PDE1A: variants seen among roughly 807,000 people sequenced by gnomAD.
The protein encoded by PDE1A is phosphodiesterase 1A, also known as dual specificity calcium/calmodulin-dependent 3',5'-cyclic nucleotide phosphodiesterase 1A.
A neutral mutation model predicts 61.7 loss-of-function variants in PDE1A; 35 were observed. The observed-to-expected ratio is 0.57, with a 90% CI of 0.43 to 0.75. PDE1A has a LOEUF of 0.75. Ranked by LOEUF, PDE1A falls within the 30% of genes least tolerant of loss-of-function variation. The pLI is 0.00. For synonymous variants in PDE1A, 232 were observed against 213.2 expected (o/e 1.09, Z -0.77); for missense variants, 597 against 630.6 (o/e 0.95, Z 0.57).
At chr2:182,616,111 G>A in the PDE1A span, among the ~76,000 whole-genome samples, 2 of 152,218 alleles carry the variant, frequency 1.3e-5, no homozygotes, top group Non-Finnish European at 2.9e-5. Context: ...TCATAGGAAT[G>A]TTGTAAGAAT....
At chr2:182,278,087 A>G (rs1465688511) in intron 1 of PDE1A, among the ~76,000 whole-genome samples, 1 of 152,074 alleles carries the variant, frequency 6.6e-6, no homozygotes, top group Non-Finnish European at 1.5e-5. Flanking sequence ...TCTTCATAAA[A>G]CATATTTAAT....
At chr2:182,466,232 A>C (rs1477791574) in intron 2 of PDE1A, among the ~76,000 whole-genome samples, 1 of 151,984 alleles carries the variant, frequency 6.6e-6, no homozygotes, top group Non-Finnish European at 1.5e-5. Flanking sequence ...CTACTATTTA[A>C]AGATATTGAG....
At chr2:182,667,441 G>T in the PDE1A span, among the ~76,000 whole-genome samples, 1 of 152,146 alleles carries the variant, frequency 6.6e-6, no homozygotes, top group African/African-American at 2.4e-5. Context: ...ATCATATGTG[G>T]CTTACATATG....
chr2:182,626,962 C>T, the PDE1A span, among the ~76,000 whole-genome samples: 12 of 13,164 alleles, frequency 9.1e-4, no homozygotes, highest in South Asian at 2.4e-3. Context: ...ATGCAATTGC[C>T]TTTGAGAAAA....
the PDE1A span, among the ~76,000 whole-genome samples, chr2:182,556,013 TTAAGA>T: frequency 4.8e-5 from 7 of 144,858 alleles, no homozygotes; most frequent in Non-Finnish European, 9.1e-5. Context: ...TTCTTTTGAC[TTAAGA>T]TAATCATAAT....
chr2:182,454,815 C>G (rs1685787930), intron 2 of PDE1A, among the ~76,000 whole-genome samples: 1 of 151,498 alleles, frequency 6.6e-6, no homozygotes, highest in Non-Finnish European at 1.5e-5. Context: ...CCATAAAAAC[C>G]CAGAAGAAAA....
the PDE1A span, among the ~76,000 whole-genome samples, chr2:182,638,535 C>CA: frequency 1.3e-5 from 2 of 151,474 alleles, no homozygotes; most frequent in African/African-American, 2.4e-5. Context: ...GACTCCATCT[C>CA]AAAAAAAATG....
intron 2 of PDE1A, among the ~76,000 whole-genome samples, chr2:182,499,270 G>A (rs376288138): frequency 3.5e-5 from 5 of 144,800 alleles, no homozygotes; most frequent in African/African-American, 1.3e-4. Flanking sequence ...TCCGCCTCCC[G>A]GGTTCACGCC....
chr2:182,191,886 G>C (rs566955084), intron 10 of PDE1A, among the ~76,000 whole-genome samples: 1 of 148,472 alleles, frequency 6.7e-6, no homozygotes. Context: ...AGACAGTTTC[G>C]CTCTTGTTGC....
chr2:182,195,224 C>T (rs529517139), intron 10 of PDE1A, among the ~76,000 whole-genome samples: 2 of 152,230 alleles, frequency 1.3e-5, no homozygotes, highest in South Asian at 2.1e-4. Flanking sequence ...TATACTGATA[C>T]TTTGCCTCGG....
At chr2:182,430,864 A>C (rs1703904445), upstream of PDE1A, among the ~76,000 whole-genome samples, 1 of 118,830 alleles carries the variant, frequency 8.4e-6, no homozygotes, top group African/African-American at 3.1e-5. Context: ...AGAACAAAAA[A>C]CCAAACACCG....
chr2:182,701,196 G>A, the PDE1A span, among the ~76,000 whole-genome samples: 212 of 74,048 alleles, frequency 2.9e-3, no homozygotes, highest in African/African-American at 0.011. Context: ...CACCACGCCC[G>A]GCTAATTTTT....
chr2:182,283,403 TTACACACACACACACA>T (rs1179021193), intron 1 of PDE1A, among the ~76,000 whole-genome samples: 4 of 149,746 alleles, frequency 2.7e-5, no homozygotes, highest in African/African-American at 4.9e-5. Flanking sequence ...GGTACCTGAG[TTACACACACACACACA>T]TACACACACA....
the PDE1A span, among the ~76,000 whole-genome samples, chr2:182,528,514 T>C: frequency 0.066 from 10,087 of 152,138 alleles, 358 homozygotes; most frequent in Middle Eastern, 0.1. Flanking sequence ...CCTGAGGATG[T>C]GATAGAAAGG....
intron 1 of PDE1A, among the ~76,000 whole-genome samples, chr2:182,395,567 A>G (rs938599187): frequency 6.6e-6 from 1 of 152,162 alleles, no homozygotes; most frequent in Non-Finnish European, 1.5e-5. Context: ...TGGATTTGGG[A>G]GGCAACACAT....
At chr2:182,643,334 C>A in the PDE1A span, among the ~76,000 whole-genome samples, 1 of 152,188 alleles carries the variant, frequency 6.6e-6, no homozygotes. Flanking sequence ...CACAGGTAAG[C>A]AGGGAGCCAG....
chr2:182,639,167 G>C, the PDE1A span, among the ~76,000 whole-genome samples: 2 of 152,140 alleles, frequency 1.3e-5, no homozygotes, highest in Non-Finnish European at 1.5e-5. Context: ...ATTGCTCTCT[G>C]AATATAAATC....
At chr2:182,168,806 T>C (rs1691850322) in intron 13 of PDE1A, among the ~76,000 whole-genome samples, 1 of 152,078 alleles carries the variant, frequency 6.6e-6, no homozygotes, top group African/African-American at 2.4e-5. Context: ...AGAAAATATC[T>C]TTCTCTTATT....
chr2:182,580,626 T>G, the PDE1A span, among the ~76,000 whole-genome samples: 1 of 152,194 alleles, frequency 6.6e-6, no homozygotes, highest in African/African-American at 2.4e-5. Context: ...AAGATTTTAC[T>G]ATAACTTAAA....
Sources: allele counts gnomAD v4.1 joint callset (sites outside exome capture counted in the v4.1 genomes callset), GRCh38; gene constraint gnomAD v4.1.1; transcripts MANE v1.5; gene names NCBI Gene and HGNC (gene_info 2026-07-23, HGNC 2026-07-21).